MAP3K15: variants seen among roughly 807,000 people sequenced by gnomAD.
The protein encoded by MAP3K15 is mitogen-activated protein kinase kinase kinase 15, also known as MAPK/ERK kinase kinase 15.
MAP3K15 carries 124 observed loss-of-function variants against 99.5 expected under a neutral mutation model. The observed-to-expected ratio is 1.25, with a 90% CI of 1.08 to 1.45. The LOEUF (loss-of-function observed/expected upper bound fraction) is 1.45, where lower values mean the gene tolerates loss of function less well. Ranked by LOEUF, MAP3K15 falls within the 40% of genes most tolerant of loss-of-function variation. The pLI is 0.00. For synonymous variants in MAP3K15, 494 were observed against 439.6 expected, an observed-to-expected ratio of 1.12 and a Z score of -1.55; for missense variants, 1,242 against 1,079.7, an observed-to-expected ratio of 1.15 and a Z score of -2.11.
At chrX:19,474,564 T>C (rs2064229371) in intron 3 of MAP3K15, among the ~76,000 whole-genome samples, 1 of 98,131 alleles carries the variant, frequency 1.0e-5, no homozygotes, top group Non-Finnish European at 2.0e-5. Flanking sequence ...GTCTGTGAAC[T>C]TGAAAGAGAA....
intron 7 of MAP3K15, among the ~76,000 whole-genome samples, chrX:19,428,826 G>A (rs767669367): frequency 2.9e-3 from 321 of 111,145 alleles, no homozygotes; most frequent in African/African-American, 9.7e-3. Context: ...AAAATTAGCC[G>A]GGCATGGTGG....
intron 6 of MAP3K15, among the ~76,000 whole-genome samples, chrX:19,436,753 C>G (rs964110430): frequency 8.9e-5 from 10 of 111,818 alleles, no homozygotes; most frequent in African/African-American, 2.9e-4. Context: ...TCTCAGCTCA[C>G]TGCAACCTCT....
chrX:19,460,961 G>C (rs1303323084), intron 4 of MAP3K15, among the ~76,000 whole-genome samples: 2 of 104,820 alleles, frequency 1.9e-5, no homozygotes, highest in African/African-American at 7.0e-5. Context: ...TGCTATTAGA[G>C]ACAGGGTTTC....
At chrX:19,467,432 T>C (rs1159938111) in intron 3 of MAP3K15, among the ~76,000 whole-genome samples, 2 of 110,863 alleles carry the variant, frequency 1.8e-5, no homozygotes, top group Non-Finnish European at 3.8e-5. Context: ...TCCCTTGCTC[T>C]ACCCAGCCTA....
At chrX:19,416,024 G>A (rs2063731555) in intron 9 of MAP3K15, among the ~76,000 whole-genome samples, 1 of 111,767 alleles carries the variant, frequency 8.9e-6, no homozygotes, top group Admixed American at 9.5e-5. Context: ...CCTGTTGTAA[G>A]TATCTGCTTA....
Position 19,459,997 on chromosome X carries a change from G to A in MAP3K15, c.876C>T (p.Tyr292=). The change falls in exon 5 of 29, where the codon TAC becomes TAT. Residue 292 remains tyrosine (Y), a synonymous_variant. Coordinates refer to ENST00000338883, the MANE Select transcript of MAP3K15 (RefSeq NM_001001671.4). ...SDIIINLLLS[Y]RDIQDYDAMV... ...GTGGATTTCATACCTGGATATCACG[G>A]TAGGACAGGAGTAAGTTAATGATGA... is the stretch of plus-strand genomic sequence containing the variant. 2.6e-6 allele frequency: 3 copies of A among 1,159,112 alleles called. No individual in the cohort carries two copies. The highest frequency in any genetic ancestry group is 3.4e-6 in the Non-Finnish European group (3 of 873,936).
chrX:19,431,975 A>G (rs2063887065), intron 6 of MAP3K15, among the ~76,000 whole-genome samples: 2 of 105,273 alleles, frequency 1.9e-5, no homozygotes, highest in African/African-American at 6.9e-5. Flanking sequence ...AAAGACAGTG[A>G]AATACATATA....
chrX:19,412,757 G>T (rs2063698810), intron 11 of MAP3K15, among the ~76,000 whole-genome samples: 1 of 110,997 alleles, frequency 9.0e-6, no homozygotes, highest in Non-Finnish European at 1.9e-5. Flanking sequence ...TTTTTCTAGA[G>T]ACAGGGTCTC....
chrX:19,417,761 C>T (rs1217607095), intron 9 of MAP3K15, among the ~76,000 whole-genome samples: 1 of 112,139 alleles, frequency 8.9e-6, no homozygotes, highest in African/African-American at 3.2e-5. Flanking sequence ...GGGTCCCTGA[C>T]CCCCAAGTAG....
At chrX:19,466,108 T>C (rs1415122424) in intron 3 of MAP3K15, among the ~76,000 whole-genome samples, 1 of 110,897 alleles carries the variant, frequency 9.0e-6, no homozygotes, top group African/African-American at 3.3e-5. Flanking sequence ...TGTGAGCCAC[T>C]GCACCTGGCC....
At chrX:19,370,354 C>T (rs1174435817) in intron 24 of MAP3K15, among the ~76,000 whole-genome samples, 1 of 111,193 alleles carries the variant, frequency 9.0e-6, no homozygotes, top group African/African-American at 3.3e-5. Flanking sequence ...AGGATCCTTC[C>T]CCTCTGGCCC....
At chrX:19,442,164 G>A (rs900175442) in intron 6 of MAP3K15, among the ~76,000 whole-genome samples, 1 of 111,147 alleles carries the variant, frequency 9.0e-6, no homozygotes, top group African/African-American at 3.3e-5. Context: ...GCAGACACCA[G>A]GGATTCTCAC....
intron 6 of MAP3K15, among the ~76,000 whole-genome samples, chrX:19,437,983 A>C (rs2063934259): frequency 8.9e-6 from 1 of 112,614 alleles, no homozygotes; most frequent in African/African-American, 3.2e-5. Context: ...ATATTACACC[A>C]AACTGACAAG....
Position 19,390,697 on chromosome X carries a change from GT to G in MAP3K15, c.2431+1304del, listed in dbSNP as rs201890885. Among the ~76,000 whole-genome samples, 284 of 97,826 alleles carry G rather than the reference GT, an allele frequency of 2.9e-3. 1 individual carries two copies. Among genetic ancestry groups the G allele is most frequent in the African/African-American group, 5.8e-3 (157 of 26,884 alleles). 85.0% of individuals were successfully genotyped at this position (97,826 alleles called of 115,157 possible). A position where few individuals can be genotyped will look rare whatever the true frequency, so the allele number is the denominator to read the frequency against. Reference sequence around the variant, plus strand: ...CCAAAGTGCCCAGCCTATGAAAGCTGTTTTTTTTTTTTTCTTTTAAGAAATG... The same window carrying G: ...CCAAAGTGCCCAGCCTATGAAAGCTGTTTTTTTTTTTTCTTTTAAGAAATG... On this transcript the variant is annotated intron_variant, in intron 18 of 28. Transcript: ENST00000338883.
At chrX:19,455,347 C>CTTTTTTTT (rs776661644) in intron 6 of MAP3K15, among the ~76,000 whole-genome samples, 1 of 94,648 alleles carries the variant, frequency 1.1e-5, no homozygotes, top group Non-Finnish European at 2.1e-5. Flanking sequence ...TTTCTTTTTT[C>CTTTTTTTT]TTTTTTTTTT....
chrX:19,394,484 C>T (rs1467678143), intron 16 of MAP3K15, among the ~76,000 whole-genome samples: 1 of 111,739 alleles, frequency 8.9e-6, no homozygotes, highest in African/African-American at 3.3e-5. Flanking sequence ...CCAGGAACTC[C>T]CCTCCTGTGC....
intron 3 of MAP3K15, among the ~76,000 whole-genome samples, chrX:19,466,393 G>A (rs1423999623): frequency 1.8e-5 from 2 of 111,274 alleles, no homozygotes; most frequent in African/African-American, 6.5e-5. Flanking sequence ...CATCAGGGGC[G>A]GTTTCTCCCA....
At chrX:19,505,226 G>A (rs1268816551) in intron 1 of MAP3K15, among the ~76,000 whole-genome samples, 1 of 108,885 alleles carries the variant, frequency 9.2e-6, no homozygotes, top group East Asian at 2.8e-4. Context: ...CAGCATAGAG[G>A]GGGGCTCCAT....
At chrX:19,431,748 C>A (rs1029204148) in intron 6 of MAP3K15, 140 bp from the exon 7 acceptor site, 5 of 419,761 alleles carry the variant, frequency 1.2e-5, no homozygotes, top group Non-Finnish European at 1.9e-5. Flanking sequence ...GAGTTCAACA[C>A]CAGCCTGGCC....
Sources: gnomAD v4.1 joint callset for allele counts (sites outside exome capture counted in the v4.1 genomes callset) on GRCh38, gnomAD v4.1.1 for gene constraint, MANE v1.5 for transcripts, NCBI Gene and HGNC (gene_info 2026-07-23, HGNC 2026-07-21) for gene names.